Variants in SSBP2 observed in about 807,000 individuals in gnomAD.
SSBP2 encodes the protein single stranded DNA binding protein 2.
SSBP2 carries 17 observed loss-of-function variants against 61.8 expected under a neutral mutation model. The ratio of observed to expected loss-of-function variants is 0.28; its 90% confidence interval spans 0.19 to 0.41. The LOEUF (loss-of-function observed/expected upper bound fraction) is 0.41, where lower values mean the gene tolerates loss of function less well. SSBP2 is among the 10% of genes least tolerant of loss of function. The probability of loss-of-function intolerance (pLI) is 1.00; values close to 1 mark genes in which losing one functional copy is unlikely to be tolerated. For synonymous variants in SSBP2, 139 were observed against 141.3 expected (o/e 0.98, Z 0.12); for missense variants, 310 against 458.7 (o/e 0.68, Z 2.96).
intron 4 of SSBP2, among the ~76,000 whole-genome samples, chr5:81,518,573 A>G (rs1436819227): frequency 5.9e-5 from 9 of 152,108 alleles, no homozygotes; most frequent in Non-Finnish European, 1.3e-4. Flanking sequence ...AAATAAATTT[A>G]TGTTCTTTAT....
intron 3 of SSBP2, among the ~76,000 whole-genome samples, chr5:81,617,960 C>A (rs1363623668): frequency 3.7e-5 from 5 of 136,626 alleles, no homozygotes; most frequent in African/African-American, 1.4e-4. Context: ...AAGCGCTAAA[C>A]ATGGAAAGGA....
chr5:81,475,915 C>G (rs748853090), intron 6 of SSBP2, among the ~76,000 whole-genome samples: 15 of 151,982 alleles, frequency 9.9e-5, no homozygotes, highest in Non-Finnish European at 2.1e-4. Flanking sequence ...CACATACACA[C>G]AGAGGAATTA....
chr5:81,664,147 G>A (rs148793291), intron 1 of SSBP2, among the ~76,000 whole-genome samples: 1,475 of 142,642 alleles, frequency 0.01, 23 homozygotes, highest in African/African-American at 0.037. Context: ...TTTTGAGACA[G>A]AATCTCACTC....
chr5:81,644,250 T>A (rs929537616), intron 2 of SSBP2, among the ~76,000 whole-genome samples: 2 of 152,198 alleles, frequency 1.3e-5, no homozygotes, highest in Non-Finnish European at 2.9e-5. Context: ...TTGGGAAAAC[T>A]CCTTAATGGA....
At chr5:81,497,919 A>G (rs1767411415) in intron 5 of SSBP2, among the ~76,000 whole-genome samples, 1 of 152,124 alleles carries the variant, frequency 6.6e-6, no homozygotes, top group Admixed American at 6.5e-5. Flanking sequence ...AAGTGTGGTA[A>G]CTTACTGATC....
At chr5:81,492,797 T>C (rs1201795789) in intron 5 of SSBP2, among the ~76,000 whole-genome samples, 1 of 152,188 alleles carries the variant, frequency 6.6e-6, no homozygotes, top group African/African-American at 2.4e-5. Flanking sequence ...TTCAGGGCTT[T>C]AGTTTTCTCA....
chr5:81,549,491 A>G (rs1375370429), intron 4 of SSBP2, among the ~76,000 whole-genome samples: 1 of 152,168 alleles, frequency 6.6e-6, no homozygotes, highest in African/African-American at 2.4e-5. Flanking sequence ...TATCCTACAC[A>G]TAACCTACTT....
At chr5:81,542,485 T>C (rs1356174155) in intron 4 of SSBP2, among the ~76,000 whole-genome samples, 1 of 152,040 alleles carries the variant, frequency 6.6e-6, no homozygotes, top group East Asian at 1.9e-4. Context: ...CTACTCACAA[T>C]AGCAAAGACA....
At chr5:81,614,236 T>C (rs538895111) in intron 4 of SSBP2, among the ~76,000 whole-genome samples, 135 of 151,938 alleles carry the variant, frequency 8.9e-4, no homozygotes, top group African/African-American at 3.1e-3. Context: ...GGCGGGCGCC[T>C]GTAATCCCAG....
At chr5:81,679,557 C>T (rs1752234490) in intron 1 of SSBP2, among the ~76,000 whole-genome samples, 1 of 152,114 alleles carries the variant, frequency 6.6e-6, no homozygotes, top group Non-Finnish European at 1.5e-5. Flanking sequence ...ATATTTCAAA[C>T]TTCAGAGCAA....
Position 81,467,004 on chromosome 5 carries a change from A to G in SSBP2, c.608T>C (p.Leu203Ser). 1.2e-6 allele frequency: 2 copies of G among 1,609,902 alleles called. No individual in the cohort carries two copies. The highest frequency in any genetic ancestry group is 1.7e-6 in the Non-Finnish European group (2 of 1,177,098). ...CATTCCAGGCATTCCAGGGCCACCT[A>G]AAGCATTCAGTGGGGGTCTCATTGC... The change falls in exon 9 of 17, where the codon TTA becomes TCA. Residue 203 changes from leucine (L) to serine (S), a missense_variant. This residue lies in a region of SSBP2 where 209 missense variants were observed against 286.4 expected (regional missense o/e 0.73). Coordinates refer to ENST00000320672, the MANE Select transcript of SSBP2 (RefSeq NM_012446.5).
intron 10 of SSBP2, among the ~76,000 whole-genome samples, chr5:81,457,225 C>T (rs1394573161): frequency 2.0e-5 from 3 of 151,934 alleles, no homozygotes; most frequent in Non-Finnish European, 4.4e-5. Flanking sequence ...TAAGTGATCC[C>T]ACTTAAAGGG....
At chr5:81,512,542 G>A (rs1218479051) in intron 5 of SSBP2, among the ~76,000 whole-genome samples, 2 of 152,154 alleles carry the variant, frequency 1.3e-5, no homozygotes, top group Non-Finnish European at 2.9e-5. Flanking sequence ...GACAGAATGT[G>A]ACTCTAAGAA....
intron 8 of SSBP2, among the ~76,000 whole-genome samples, chr5:81,471,629 A>C (rs1765251808): frequency 6.6e-6 from 1 of 152,040 alleles, no homozygotes; most frequent in Non-Finnish European, 1.5e-5. Flanking sequence ...GTTAACATGT[A>C]TCATCATTCC....
In SSBP2 at chr5:81,698,178, CA is replaced by C. The variant is rs1435985501; in HGVS notation, c.63-47840del. Among the ~76,000 whole-genome samples the C allele has an allele frequency of 3.3e-5, 5 of 152,100 alleles. No individual in the cohort carries two copies. The South Asian group carries it at 8.3e-4, about 25-fold the overall frequency. On this transcript the variant is annotated intron_variant, in intron 1 of 16. Coordinates refer to ENST00000320672, the MANE Select transcript of SSBP2 (RefSeq NM_012446.5). ...TCTGTAATATAAAATGTACCAACCA[CA>C]AAATCAGATTATAGTAAAAAATAAT...
chr5:81,667,286 T>TACACACAC lies in SSBP2; in HGVS notation c.63-16955_63-16948dup, dbSNP rs71605804. Among the ~76,000 whole-genome samples, 642 of 133,808 alleles carry TACACACAC rather than the reference T, an allele frequency of 4.8e-3. 7 individuals are homozygous for TACACACAC. The highest frequency in any genetic ancestry group is 0.013 in the African/African-American group (464 of 36,018). 87.8% of individuals were successfully genotyped at this position (133,808 alleles called of 152,430 possible). ...GAGTACCAGACAGAAGGGATACAGA[T>TACACACAC]ACACACACACACACACACACACACA... On this transcript the variant is annotated intron_variant, in intron 1 of 16. Transcript: ENST00000320672.
intron 5 of SSBP2, among the ~76,000 whole-genome samples, chr5:81,492,629 G>A (rs541419378): frequency 9.2e-5 from 14 of 151,780 alleles, no homozygotes; most frequent in African/African-American, 3.1e-4. Context: ...TTGTTTGAAG[G>A]TATCATGATG....
At chr5:81,472,157 G>A (rs879336346) in intron 8 of SSBP2, among the ~76,000 whole-genome samples, 2 of 152,136 alleles carry the variant, frequency 1.3e-5, no homozygotes, top group Non-Finnish European at 1.5e-5. Flanking sequence ...CCAGCTTTAT[G>A]ACATGTTAAT....
At chr5:81,551,842 T>C (rs1371274322) in intron 4 of SSBP2, among the ~76,000 whole-genome samples, 1 of 152,200 alleles carries the variant, frequency 6.6e-6, no homozygotes, top group Non-Finnish European at 1.5e-5. Flanking sequence ...AAAAAATATC[T>C]ACAAGACTAT....
Sources: gnomAD v4.1 joint callset for allele counts (sites outside exome capture counted in the v4.1 genomes callset) on GRCh38, gnomAD v4.1.1 for gene constraint, gnomAD v4.1.1 regional missense constraint, MANE v1.5 for transcripts, NCBI Gene and HGNC (gene_info 2026-07-23, HGNC 2026-07-21) for gene names.